The following LRP1B variants were observed in gnomAD, a reference collection of about 807,000 sequenced individuals.
LRP1B encodes the protein low-density lipoprotein receptor-related protein 1B.
LRP1B carries 217 observed loss-of-function variants against 556.6 expected under a neutral mutation model. The ratio of observed to expected loss-of-function variants is 0.39; its 90% CI spans 0.35 to 0.44. The LOEUF (loss-of-function observed/expected upper bound fraction) is 0.44, where lower values mean the gene tolerates loss of function less well. Ranked by LOEUF, LRP1B falls within the 20% of genes least tolerant of loss-of-function variation. The pLI, the probability that LRP1B is intolerant of heterozygous loss-of-function variation, is 1.00. For synonymous variants in LRP1B, 2,047 were observed against 1,865.8 expected (o/e 1.10, Z -2.50); for missense variants, 5,053 against 5,620.8 (o/e 0.90, Z 3.23).
intron 41 of LRP1B, among the ~76,000 whole-genome samples, chr2:140,612,771 T>C (rs1335782169): frequency 3.9e-5 from 6 of 152,284 alleles, no homozygotes; most frequent in Middle Eastern, 3.4e-3. Context: ...GTCTTACTAT[T>C]AGTGTCAACT....
intron 3 of LRP1B, among the ~76,000 whole-genome samples, chr2:141,314,845 CACATATATAT>C (rs1224862838): frequency 2.5e-4 from 28 of 113,836 alleles, no homozygotes; most frequent in Non-Finnish European, 2.9e-4. Flanking sequence ...TATATATATA[CACATATATAT>C]ACATATATAT....
At position 140,655,962 on chromosome 2, in the gene LRP1B, T is replaced by C. The variant is rs1270583513; in HGVS notation, c.6799+44288A>G. ...CGTCTCAAAAAAAACAAAAAAAGAA[T>C]AGGCAGAGTATACATTTATCTCTTT... On this transcript the variant is annotated intron_variant, in intron 41 of 90. Coordinates refer to ENST00000389484, the MANE Select transcript of LRP1B (RefSeq NM_018557.3). Among the ~76,000 whole-genome samples, 5 of 145,020 alleles carry C rather than the reference T, an allele frequency of 3.4e-5. No homozygotes were observed. The East Asian group carries it at 7.8e-4, about 22-fold the overall frequency.
At chr2:140,989,071 G>A (rs1697012773) in intron 17 of LRP1B, among the ~76,000 whole-genome samples, 2 of 151,518 alleles carry the variant, frequency 1.3e-5, no homozygotes, top group African/African-American at 2.4e-5. Flanking sequence ...GATTTCATGG[G>A]GAAAAAAACC....
intron 2 of LRP1B, among the ~76,000 whole-genome samples, chr2:141,568,317 T>C (rs57933129): frequency 0.27 from 41,233 of 150,544 alleles, 7,098 homozygotes; most frequent in East Asian, 0.48. Context: ...ACTATGCATA[T>C]GACTATTTAA....
chr2:141,359,865 G>A (rs1688757640), intron 3 of LRP1B, among the ~76,000 whole-genome samples: 1 of 147,434 alleles, frequency 6.8e-6, no homozygotes, highest in Non-Finnish European at 1.5e-5. Context: ...ATTAGCCAGA[G>A]ACATTAAGCA....
intron 32 of LRP1B, among the ~76,000 whole-genome samples, chr2:140,780,584 G>A (rs1484317208): frequency 1.3e-5 from 2 of 152,002 alleles, no homozygotes; most frequent in Non-Finnish European, 2.9e-5. Flanking sequence ...TCACCCTCTC[G>A]GACCCAATGG....
At chr2:141,554,514 T>A (rs1685890492) in intron 2 of LRP1B, among the ~76,000 whole-genome samples, 2 of 151,672 alleles carry the variant, frequency 1.3e-5, no homozygotes. Flanking sequence ...GAGAGTACAT[T>A]TTTACTATAA....
intron 71 of LRP1B, among the ~76,000 whole-genome samples, chr2:140,365,404 A>G (rs2105153911): frequency 6.6e-6 from 1 of 151,768 alleles, no homozygotes; most frequent in East Asian, 1.9e-4. Flanking sequence ...TTTAACAAAT[A>G]AATAAAAACA....
intron 1 of LRP1B, among the ~76,000 whole-genome samples, chr2:141,847,548 A>G (rs1392671174): frequency 6.6e-6 from 1 of 151,598 alleles, no homozygotes; most frequent in African/African-American, 2.4e-5. Context: ...TATAACACCA[A>G]GTCATTGTAT....
chr2:140,415,349 G>GT, intron 66 of LRP1B, among the ~76,000 whole-genome samples: 1 of 152,234 alleles, frequency 6.6e-6, no homozygotes, highest in Admixed American at 6.5e-5. Context: ...CTTATTAGCA[G>GT]TTCTGCTTTT....
chr2:141,754,365 G>T (rs1311729348), intron 2 of LRP1B, among the ~76,000 whole-genome samples: 4 of 152,114 alleles, frequency 2.6e-5, no homozygotes, highest in Non-Finnish European at 5.9e-5. Context: ...AAATATTACA[G>T]ATTTGGAAAT....
At chr2:140,984,219 CT>C (rs1286069377) in intron 17 of LRP1B, among the ~76,000 whole-genome samples, 16 of 151,790 alleles carry the variant, frequency 1.1e-4, no homozygotes, top group Non-Finnish European at 2.9e-5. Flanking sequence ...ACCTTTTTAT[CT>C]TTTAAGAGAA....
chr2:140,691,537 G>A (rs1574246688), intron 41 of LRP1B, among the ~76,000 whole-genome samples: 1 of 146,024 alleles, frequency 6.8e-6, no homozygotes. Context: ...TCTTGAAAAA[G>A]CAATCTAAAA....
intron 2 of LRP1B, 90 bp from the exon 3 acceptor site, chr2:141,480,623 C>T: frequency 8.0e-7 from 1 of 1,245,192 alleles, no homozygotes; most frequent in Non-Finnish European, 1.2e-6. Context: ...CATTGTTTTA[C>T]AAAACAAAAC....
chr2:140,620,739 G>A (rs1015289900), intron 41 of LRP1B, among the ~76,000 whole-genome samples: 1 of 151,976 alleles, frequency 6.6e-6, no homozygotes, highest in African/African-American at 2.4e-5. Context: ...CATGTTATAA[G>A]TTATGAATAA....
intron 51 of LRP1B, among the ~76,000 whole-genome samples, chr2:140,511,381 A>C (rs1479750752): frequency 3.0e-5 from 4 of 132,546 alleles, no homozygotes; most frequent in Non-Finnish European, 6.1e-5. Context: ...GGCTCAATGC[A>C]AGCTCCGCCT....
At chr2:141,123,355 G>T (rs1304105771) in intron 7 of LRP1B, among the ~76,000 whole-genome samples, 5 of 151,662 alleles carry the variant, frequency 3.3e-5, no homozygotes, top group Admixed American at 1.3e-4. Flanking sequence ...TACAATACTA[G>T]ATTTGGCCTC....
intron 83 of LRP1B, among the ~76,000 whole-genome samples, chr2:140,298,306 T>G (rs2105002191): frequency 3.7e-5 from 1 of 26,794 alleles, no homozygotes; most frequent in South Asian, 3.4e-3. Context: ...TTCAATTATT[T>G]TTATTCTACT....
chr2:142,092,682 T>C (rs1342801056), intron 1 of LRP1B, among the ~76,000 whole-genome samples: 2 of 151,862 alleles, frequency 1.3e-5, no homozygotes, highest in Non-Finnish European at 2.9e-5. Flanking sequence ...ACATATTATA[T>C]AGGTTTTAAT....
Sources: allele counts gnomAD v4.1 joint callset (sites outside exome capture counted in the v4.1 genomes callset), GRCh38; gene constraint gnomAD v4.1.1; transcripts MANE v1.5; gene names NCBI Gene and HGNC (gene_info 2026-07-23, HGNC 2026-07-21).